Variants in LBP observed in about 807,000 individuals in gnomAD.
LBP encodes the protein lipopolysaccharide-binding protein.
Under a neutral mutation model 56.6 loss-of-function variants are expected in LBP, and 53 were observed. The ratio of observed to expected loss-of-function variants is 0.94; its 90% CI spans 0.75 to 1.18. LBP has a LOEUF of 1.18. Ranked by LOEUF, LBP falls within the 50% of genes most tolerant of loss-of-function variation. LBP has a pLI of 0.00. For synonymous variants in LBP, 227 were observed against 247.5 expected (o/e 0.92, Z 0.78); for missense variants, 601 against 598.3 (o/e 1.00, Z -0.05).
At chr20:38,349,047 G>A (rs1045135249) in intron 1 of LBP, among the ~76,000 whole-genome samples, 6 of 152,024 alleles carry the variant, frequency 3.9e-5, no homozygotes, top group East Asian at 1.9e-4. Context: ...TGCCCTCCTC[G>A]GCCTCCCAAA....
At chr20:38,376,525 G>T (rs2083959260) in intron 14 of LBP, 100 bp from the exon 15 acceptor site, 2 of 1,071,506 alleles carry the variant, frequency 1.9e-6, no homozygotes, top group Non-Finnish European at 2.9e-6. Flanking sequence ...TTCTGGCAGA[G>T]CTTGTGTTTC....
intron 1 of LBP, 81 bp downstream of exon 1, chr20:38,346,721 G>C: frequency 1.3e-6 from 2 of 1,574,396 alleles, no homozygotes; most frequent in Non-Finnish European, 1.7e-6. Flanking sequence ...AGGGAGTGGG[G>C]ACACAGACCG....
At chr20:38,374,947 C>T (rs138755345) in intron 14 of LBP, among the ~76,000 whole-genome samples, 12,425 of 114,720 alleles carry the variant, frequency 0.11, 636 homozygotes, top group South Asian at 0.17. Context: ...CCACTCCCAG[C>T]TAATTTTTTT....
In LBP at chr20:38,369,016, A is replaced by C. The variant is rs2076892080; in HGVS notation, c.1003A>C (p.Met335Leu). 1.2e-6 allele frequency: 2 copies of C among 1,613,994 alleles called. No individual in the cohort carries two copies. Among genetic ancestry groups the C allele is most frequent in the Non-Finnish European group, 1.7e-6 (2 of 1,180,020 alleles). The change falls in exon 10 of 15, where the codon ATG (methionine) becomes CTG (leucine). Residue 335 changes from methionine (M) to leucine (L), a missense_variant. By Grantham distance (15) the Met-to-Leu change is conservative. Coordinates refer to ENST00000217407, the MANE Select transcript of LBP (RefSeq NM_004139.5). ...CCAGTTAGCCAGGCTCTACCCCAACATGAACCTGGAACTCCAGGGATCAGT... is the reference window on the plus strand; with the variant it reads ...CCAGTTAGCCAGGCTCTACCCCAACCTGAACCTGGAACTCCAGGGATCAGT... The part of the protein sequence containing the change: ...VPRLARLYPN[M>L]NLELQGSVPS...
chr20:38,372,290 C>T (rs2076903406), intron 12 of LBP, among the ~76,000 whole-genome samples: 1 of 152,182 alleles, frequency 6.6e-6, no homozygotes, highest in Non-Finnish European at 1.5e-5. Flanking sequence ...GCCTCCCAGA[C>T]TTTCCCGAAG....
At chr20:38,374,462 T>TGACA (rs942189869) in intron 14 of LBP, among the ~76,000 whole-genome samples, 20 of 151,916 alleles carry the variant, frequency 1.3e-4, no homozygotes, top group African/African-American at 4.6e-4. Context: ...CTGGACATGG[T>TGACA]GGCAGGTGCC....
Position 38,364,051 on chromosome 20 carries a change from G to A in LBP, c.729G>A (p.Leu243=), listed in dbSNP as rs758721410. ...CCCCTCGGGCAACAGCCCAGATGCT[G>A]GAGGTGATGTTTAAGGTGAGGGTCC... The part of the protein sequence containing the change: ...VEAPRATAQM[L]EVMFKGEIFH... The change falls in exon 7 of 15, where the codon CTG becomes CTA. Residue 243 remains leucine (L), a synonymous_variant. Transcript: ENST00000217407. The A allele has an allele frequency of 1.1e-5, 17 of 1,612,952 alleles. No individual in the cohort carries two copies. In the African/African-American group the frequency reaches 1.5e-4, roughly 14 times the overall value.
At position 38,355,380 on chromosome 20, in the gene LBP, T is replaced by G; in HGVS notation, c.559T>G (p.Ser187Ala). ...LLNLFHNQIE[S>A]KFQKVLESRI... Reference sequence around the variant, plus strand: ...GAACCTCTTCCACAACCAGATTGAGTCCAAGTTCCAGAAAGTACTGGAGAG... The same window carrying G: ...GAACCTCTTCCACAACCAGATTGAGGCCAAGTTCCAGAAAGTACTGGAGAG... Residue 187 changes from serine (S) to alanine (A), a missense_variant, in exon 5 of 15, where the codon TCC (serine) becomes GCC (alanine). By Grantham distance (99) the Ser-to-Ala change is moderately conservative (BLOSUM62 1). Transcript: ENST00000217407. 1 of 1,613,696 alleles carries G rather than the reference T, an allele frequency of 6.2e-7. No individual in the cohort carries two copies. Among genetic ancestry groups the G allele is most frequent in the Non-Finnish European group, 8.5e-7 (1 of 1,179,970 alleles).
chr20:38,360,936 G>T (rs1394869414), intron 6 of LBP, among the ~76,000 whole-genome samples, 169 bp downstream of exon 6: 1 of 152,176 alleles, frequency 6.6e-6, no homozygotes, highest in Non-Finnish European at 1.5e-5. Flanking sequence ...GCCGAGGCGG[G>T]TGGATCACCT....
At chr20:38,346,938 G>C (rs1226651579) in intron 1 of LBP, among the ~76,000 whole-genome samples, 1 of 152,204 alleles carries the variant, frequency 6.6e-6, no homozygotes, top group Non-Finnish European at 1.5e-5. Flanking sequence ...CTGAGATGAG[G>C]AAGGGAGGGC....
chr20:38,354,874 G>A (rs2076833126), intron 4 of LBP, among the ~76,000 whole-genome samples: 1 of 152,146 alleles, frequency 6.6e-6, no homozygotes, highest in African/African-American at 2.4e-5. Context: ...TTGAGCTCAG[G>A]AGTTCAAGAC....
At chr20:38,370,079 A>C (rs1195257268) in intron 10 of LBP, among the ~76,000 whole-genome samples, 1 of 152,110 alleles carries the variant, frequency 6.6e-6, no homozygotes, top group Non-Finnish European at 1.5e-5. Flanking sequence ...TTTAAATTAA[A>C]ATATAATTTA....
At chr20:38,356,481 T>G (rs2076841521) in intron 5 of LBP, among the ~76,000 whole-genome samples, 1 of 149,580 alleles carries the variant, frequency 6.7e-6, no homozygotes, top group African/African-American at 2.5e-5. Context: ...CAACCTCTGG[T>G]TTGGCTTTGA....
At chr20:38,359,582 A>T (rs2076852419) in intron 5 of LBP, among the ~76,000 whole-genome samples, 1 of 143,948 alleles carries the variant, frequency 6.9e-6, no homozygotes, top group Admixed American at 6.7e-5. Flanking sequence ...ACTGTGTCTC[A>T]AAAAACAAAC....
intron 6 of LBP, among the ~76,000 whole-genome samples, chr20:38,362,053 C>CTTTTTTTTTTTTT (rs1229689650): frequency 3.4e-5 from 4 of 117,670 alleles, no homozygotes; most frequent in African/African-American, 6.3e-5. Flanking sequence ...TTTTTGTTTT[C>CTTTTTTTTTTTTT]TTTTTTTTTT....
chr20:38,373,790 G>T lies in LBP; in HGVS notation c.1325-147G>T, dbSNP rs5741820. The T allele has an allele frequency of 6.4e-3, 4,374 of 685,064 alleles. 189 individuals are homozygous for T. In the Admixed American group the frequency reaches 0.075, roughly 12 times the overall value. The allele number at this position is 685,064 out of a possible 1,614,324, so 42.4% of individuals were successfully genotyped here. A position where few individuals can be genotyped will look rare whatever the true frequency, so the allele number is the denominator to read the frequency against. The stretch of plus-strand genomic sequence containing the variant: ...AGTTTCCTTATCTGTAAAATGGAAA[G>T]AATAATCACACCTACCTCATAGTCT... On this transcript the variant is annotated intron_variant, in intron 13 of 14. Coordinates refer to ENST00000217407, the MANE Select transcript of LBP (RefSeq NM_004139.5).
chr20:38,353,481 T>C (rs1011604868), intron 3 of LBP, among the ~76,000 whole-genome samples: 1,216 of 3,034 alleles, frequency 0.4, 71 homozygotes, highest in African/African-American at 0.52. Context: ...GCTGCTTCCT[T>C]TTTTTTTTTT....
intron 3 of LBP, among the ~76,000 whole-genome samples, chr20:38,352,995 G>A (rs768804779): frequency 5.3e-5 from 8 of 151,854 alleles, no homozygotes; most frequent in African/African-American, 1.9e-4. Flanking sequence ...TTAGAAAGAC[G>A]GCTGGTTTAT....
At chr20:38,376,268 C>T (rs1330715743) in intron 14 of LBP, among the ~76,000 whole-genome samples, 2 of 152,168 alleles carry the variant, frequency 1.3e-5, no homozygotes, top group Non-Finnish European at 2.9e-5. Context: ...GTTCAGAATT[C>T]CTGCCCCTCT....
Sources: gnomAD v4.1 joint callset for allele counts (sites outside exome capture counted in the v4.1 genomes callset) on GRCh38, gnomAD v4.1.1 for gene constraint, MANE v1.5 for transcripts, NCBI Gene and HGNC (gene_info 2026-07-23, HGNC 2026-07-21) for gene names.